PADI1: variants seen among roughly 807,000 people sequenced by gnomAD.
PADI1 encodes the protein protein-arginine deiminase type-1.
PADI1 carries 65 observed loss-of-function variants against 74.8 expected under a neutral mutation model. The ratio of observed to expected loss-of-function variants is 0.87; its 90% CI spans 0.71 to 1.07. The LOEUF is 1.07. Ranked by LOEUF, PADI1 falls within the 50% of genes least tolerant of loss-of-function variation. PADI1 has a pLI of 0.00. For synonymous variants in PADI1, 371 were observed against 336.2 expected (o/e 1.10, Z -1.13); for missense variants, 943 against 854.0 (o/e 1.10, Z -1.30).
At chr1:17,226,534 C>T (rs1024196406) in intron 6 of PADI1, among the ~76,000 whole-genome samples, 7 of 152,150 alleles carry the variant, frequency 4.6e-5, no homozygotes, top group Non-Finnish European at 1.0e-4. Flanking sequence ...GCAGGGAGGG[C>T]GTGAGAACCA....
At chr1:17,212,434 C>T (rs1400625631) in intron 1 of PADI1, among the ~76,000 whole-genome samples, 16 of 151,646 alleles carry the variant, frequency 1.1e-4, no homozygotes, top group Non-Finnish European at 1.9e-4. Flanking sequence ...CATTGGCCCC[C>T]ACCCCCACCC....
Position 17,228,707 on chromosome 1 carries a change from G to A in PADI1, c.735G>A (p.Gln245=), listed in dbSNP as rs1396167422. The part of the protein sequence containing the change: ...SYEVERQPGE[Q]EIKFYVEGLT... ...AAGTTGAGCGACAGCCAGGGGAGCA[G>A]GAGATCAAGTTCTATGTGGAGGGGC... The change falls in exon 7 of 16, where the codon CAG becomes CAA. Residue 245 remains glutamine (Q), a synonymous_variant. Coordinates refer to ENST00000375471, the MANE Select transcript of PADI1 (RefSeq NM_013358.3). 6.2e-7 allele frequency: 1 copy of A among 1,614,226 alleles called. No homozygotes were observed. The highest frequency in any genetic ancestry group is 1.7e-5 in the Admixed American group (1 of 60,034).
intron 6 of PADI1, among the ~76,000 whole-genome samples, chr1:17,226,945 G>A (rs533232956): frequency 4.5e-4 from 69 of 152,052 alleles, no homozygotes; most frequent in Non-Finnish European, 8.4e-4. Context: ...CAGCTGCTCC[G>A]GAGGTTAAGG....
chr1:17,240,691 TGACATCGTG>T lies in PADI1; in HGVS notation c.1695_1703del (p.Val566_Ile568del). 2 of 1,613,806 alleles carry T rather than the reference TGACATCGTG, an allele frequency of 1.2e-6. No individual in the cohort carries two copies. Among genetic ancestry groups the T allele is most frequent in the Non-Finnish European group, 8.5e-7 (1 of 1,179,880 alleles). The stretch of plus-strand genomic sequence containing the variant: ...AGCGGGAGCTGGGCCTGGCAGAGAG[TGACATCGTG>T]GACATTCCCCAGCTCTTCTTCCTGA... On this transcript the variant is annotated inframe_deletion, in exon 15 of 16. Transcript: ENST00000375471.
At chr1:17,220,290 G>A (rs1011272405) in intron 1 of PADI1, among the ~76,000 whole-genome samples, 2 of 152,138 alleles carry the variant, frequency 1.3e-5, no homozygotes, top group African/African-American at 4.8e-5. Flanking sequence ...AATTAGGACT[G>A]TTGTCACCGC....
intron 4 of PADI1, 32 bp from the exon 5 acceptor site, chr1:17,225,779 C>A (rs1400159211): frequency 1.3e-6 from 2 of 1,556,126 alleles, no homozygotes; most frequent in Non-Finnish European, 1.8e-6. Flanking sequence ...TCCTGGGTCC[C>A]ACTGATCCCA....
At chr1:17,229,697 C>T (rs1333185598) in intron 8 of PADI1, among the ~76,000 whole-genome samples, 1 of 152,170 alleles carries the variant, frequency 6.6e-6, no homozygotes. Flanking sequence ...GACTGTTCTC[C>T]TGCTTGCTAA....
rs199865290 is a variant in PADI1 at position 17,228,750 on chromosome 1, G to T, written c.778G>T (p.Asp260Tyr). Residue 260 changes from aspartate (D) to tyrosine (Y), a missense_variant, in exon 7 of 16, where the codon GAT becomes TAT. Asp to Tyr is a radical substitution (Grantham distance 160). Coordinates refer to ENST00000375471, the MANE Select transcript of PADI1 (RefSeq NM_013358.3). ...YVEGLTFPDADFLGLVSLSVS... is the reference protein window; with the variant it reads ...YVEGLTFPDAYFLGLVSLSVS... ...GGAGGGGCTGACCTTCCCCGATGCC[G>T]ATTTCCTAGGGCTGGTTTCCCTCAG... The T allele has an allele frequency of 9.9e-6, 16 of 1,614,174 alleles. No individual in the cohort carries two copies. The East Asian group carries it at 3.3e-4, about 34-fold the overall frequency.
At chr1:17,240,532 C>A in intron 14 of PADI1, 103 bp from the exon 15 acceptor site, 1 of 1,292,426 alleles carries the variant, frequency 7.7e-7, no homozygotes, top group South Asian at 1.4e-5. Flanking sequence ...CTTGAAGGAG[C>A]TAGCGGGCCC....
intron 15 of PADI1, among the ~76,000 whole-genome samples, chr1:17,243,793 C>T (rs1178920899): frequency 6.6e-6 from 1 of 152,162 alleles, no homozygotes; most frequent in Non-Finnish European, 1.5e-5. Flanking sequence ...CCTGGTAGTC[C>T]TGGCTGTTAT....
At chr1:17,210,963 G>A (rs1395310287) in intron 1 of PADI1, among the ~76,000 whole-genome samples, 1 of 152,172 alleles carries the variant, frequency 6.6e-6, no homozygotes, top group East Asian at 1.9e-4. Context: ...GTGATGATAC[G>A]GCCCATGGCC....
chr1:17,234,170 C>T (rs986039941), intron 11 of PADI1, among the ~76,000 whole-genome samples: 2 of 152,220 alleles, frequency 1.3e-5, no homozygotes, highest in African/African-American at 4.8e-5. Flanking sequence ...CCAGTGTATA[C>T]CACAGTGCCT....
In PADI1 at chr1:17,210,731, A is replaced by G. The variant is rs1055062618; in HGVS notation, c.92+5422A>G. Among the ~76,000 whole-genome samples the G allele has an allele frequency of 8.1e-4, 123 of 152,314 alleles. 1 individual carries two copies. The highest frequency in any genetic ancestry group is 2.7e-3 in the African/African-American group (114 of 41,578). Reference sequence around the variant, plus strand: ...CTGAGCCTGCTGAGGGGTCTGGGACATCAGCCATTGCCCTCCCTCAACCTC... The same window carrying G: ...CTGAGCCTGCTGAGGGGTCTGGGACGTCAGCCATTGCCCTCCCTCAACCTC... On this transcript the variant is annotated intron_variant, in intron 1 of 15. Coordinates refer to ENST00000375471, the MANE Select transcript of PADI1 (RefSeq NM_013358.3).
chr1:17,212,250 C>T (rs1569749128), intron 1 of PADI1, among the ~76,000 whole-genome samples: 1 of 152,342 alleles, frequency 6.6e-6, no homozygotes, highest in South Asian at 2.1e-4. Context: ...GGACACCTAG[C>T]GGCTGGCACC....
intron 15 of PADI1, among the ~76,000 whole-genome samples, 190 bp from the exon 16 acceptor site, chr1:17,243,820 C>T (rs945436709): frequency 6.6e-6 from 1 of 152,040 alleles, no homozygotes; most frequent in African/African-American, 2.4e-5. Context: ...TCATTTCCAA[C>T]CCTGAATCTT....
chr1:17,208,364 C>T (rs1409897350), intron 1 of PADI1, among the ~76,000 whole-genome samples: 1 of 151,726 alleles, frequency 6.6e-6, no homozygotes, highest in Non-Finnish European at 1.5e-5. Context: ...GCATGTGCTG[C>T]AGGTCCCATC....
At chr1:17,223,785 C>A in intron 3 of PADI1, 92 bp downstream of exon 3, 1 of 1,021,562 alleles carries the variant, frequency 9.8e-7, no homozygotes, top group Non-Finnish European at 1.5e-6. Flanking sequence ...AGTGGAAGAC[C>A]CATGGCCAGC....
In PADI1 at chr1:17,230,179, G is replaced by A. The variant is rs1388753356; in HGVS notation, c.1024G>A (p.Val342Ile). 8 of 1,614,046 alleles carry A rather than the reference G, an allele frequency of 5.0e-6. No homozygotes were observed. In the Admixed American group the frequency reaches 6.7e-5, roughly 13 times the overall value. The change falls in exon 9 of 16, where the codon GTT becomes ATT. Residue 342 changes from valine to isoleucine, a missense_variant. Transcript: ENST00000375471. ...CTGCAAGCTGACCATCTGCCCTCAA[G>A]TTGAAAATCGAAATGACCGCTGGAT... ...ANCKLTICPQ[V>I]ENRNDRWIQD...
At chr1:17,214,966 T>C (rs1015012550) in intron 1 of PADI1, among the ~76,000 whole-genome samples, 2 of 152,158 alleles carry the variant, frequency 1.3e-5, no homozygotes, top group Non-Finnish European at 2.9e-5. Flanking sequence ...CTGGTGGTTT[T>C]CAAAGCTCCT....
Sources: gnomAD v4.1 joint callset for allele counts (sites outside exome capture counted in the v4.1 genomes callset) on GRCh38, gnomAD v4.1.1 for gene constraint, MANE v1.5 for transcripts, NCBI Gene and HGNC (gene_info 2026-07-23, HGNC 2026-07-21) for gene names.